KCNN2: variants seen among roughly 807,000 people sequenced by gnomAD.
KCNN2 encodes the protein small conductance calcium-activated potassium channel protein 2.
KCNN2 carries 24 observed loss-of-function variants against 55.5 expected under a neutral mutation model. The observed-to-expected ratio is 0.43, with a 90% CI of 0.31 to 0.61. KCNN2 has a LOEUF of 0.61. Ranked by LOEUF, KCNN2 falls within the 20% of genes least tolerant of loss-of-function variation. KCNN2 has a pLI of 0.08. For missense variants in KCNN2, 754 were observed against 853.6 expected, an observed-to-expected ratio of 0.88 and a Z score of 1.45; for synonymous variants, 431 against 336.1, an observed-to-expected ratio of 1.28 and a Z score of -3.09.
intron 2 of KCNN2, among the ~76,000 whole-genome samples, chr5:114,272,203 A>G (rs1014194875): frequency 1.3e-5 from 2 of 152,088 alleles, no homozygotes; most frequent in Non-Finnish European, 2.9e-5. Flanking sequence ...CTATAGCTGC[A>G]ACTACATATA....
chr5:114,109,169 G>A (rs914126530), intron 1 of KCNN2, among the ~76,000 whole-genome samples: 1 of 152,034 alleles, frequency 6.6e-6, no homozygotes, highest in Non-Finnish European at 1.5e-5. Flanking sequence ...CAGGATTCAG[G>A]TCCTCATGGA....
At chr5:114,250,348 C>G (rs1754834636) in intron 2 of KCNN2, among the ~76,000 whole-genome samples, 1 of 152,140 alleles carries the variant, frequency 6.6e-6, no homozygotes, top group Admixed American at 6.5e-5. Flanking sequence ...TAATGGGAAT[C>G]TGAGTGAGTT....
chr5:114,203,593 G>T (rs896055032), intron 1 of KCNN2, among the ~76,000 whole-genome samples: 1 of 152,148 alleles, frequency 6.6e-6, no homozygotes. Flanking sequence ...AGTTCTAGAA[G>T]TTCTGCTGCA....
chr5:114,152,785 C>T (rs566318681), intron 1 of KCNN2, among the ~76,000 whole-genome samples: 1 of 152,082 alleles, frequency 6.6e-6, no homozygotes, highest in Admixed American at 6.6e-5. Context: ...GAGAGGAAAA[C>T]ACGTGTCTGG....
At chr5:114,486,929 A>G in intron 5 of KCNN2, 121 bp from the exon 6 acceptor site, 1 of 1,282,586 alleles carries the variant, frequency 7.8e-7, no homozygotes, top group Non-Finnish European at 1.1e-6. Flanking sequence ...ATTTGGAGTC[A>G]TGGTTACTAA....
chr5:114,293,834 G>T (rs1174354974), intron 2 of KCNN2, among the ~76,000 whole-genome samples: 1 of 152,058 alleles, frequency 6.6e-6, no homozygotes, highest in Admixed American at 6.6e-5. Flanking sequence ...GACTCTTTTT[G>T]GTTGGTAAGC....
At chr5:114,257,096 C>T (rs898290936) in intron 2 of KCNN2, among the ~76,000 whole-genome samples, 13 of 151,736 alleles carry the variant, frequency 8.6e-5, no homozygotes, top group Admixed American at 3.9e-4. Flanking sequence ...ATATTCCCAG[C>T]ACCATTTATT....
At chr5:114,414,491 TG>T (rs1341384308) in intron 3 of KCNN2, among the ~76,000 whole-genome samples, 1 of 152,178 alleles carries the variant, frequency 6.6e-6, no homozygotes, top group Non-Finnish European at 1.5e-5. Context: ...GTCTAGTCTA[TG>T]GATGGTTCCT....
chr5:114,277,836 C>G (rs564934618), intron 2 of KCNN2, among the ~76,000 whole-genome samples: 1 of 152,326 alleles, frequency 6.6e-6, no homozygotes, highest in African/African-American at 2.4e-5. Flanking sequence ...AAGTCCAATT[C>G]TGTCAACATG....
intron 2 of KCNN2, among the ~76,000 whole-genome samples, chr5:114,241,781 TAC>T (rs1479780270): frequency 0.19 from 4,455 of 23,932 alleles, 1,288 homozygotes; most frequent in South Asian, 0.28. Context: ...TATACATATA[TAC>T]GTATATATAT....
intron 2 of KCNN2, among the ~76,000 whole-genome samples, chr5:114,303,850 ATAGAG>A (rs1373825886): frequency 6.6e-6 from 1 of 152,182 alleles, no homozygotes; most frequent in Non-Finnish European, 1.5e-5. Context: ...GGAAGTTATT[ATAGAG>A]TAGATTCAGA....
intron 2 of KCNN2, among the ~76,000 whole-genome samples, chr5:114,266,311 G>T (rs933411308): frequency 6.6e-6 from 1 of 152,120 alleles, no homozygotes; most frequent in Non-Finnish European, 1.5e-5. Flanking sequence ...AGTGTCTGTT[G>T]TAGAATGCTC....
At chr5:114,251,983 A>G (rs1754873735) in intron 2 of KCNN2, among the ~76,000 whole-genome samples, 1 of 150,940 alleles carries the variant, frequency 6.6e-6, no homozygotes, top group African/African-American at 2.4e-5. Flanking sequence ...GGTTCAAGCA[A>G]TTCTCCCACC....
intron 2 of KCNN2, among the ~76,000 whole-genome samples, chr5:114,330,386 C>T (rs1324016755): frequency 1.3e-5 from 2 of 152,174 alleles, no homozygotes; most frequent in Admixed American, 1.3e-4. Context: ...TTTTGAATCC[C>T]TAGCAATACG....
chr5:114,375,952 G>GTATATATGTATATATATATATA, intron 2 of KCNN2, among the ~76,000 whole-genome samples: 1 of 104,718 alleles, frequency 9.5e-6, no homozygotes, highest in Admixed American at 1.1e-4. Context: ...GACTCACAGT[G>GTATATATGTATATATATATATA]TATATATATA....
At chr5:114,385,654 C>G (rs59344266) in intron 2 of KCNN2, among the ~76,000 whole-genome samples, 6,501 of 152,100 alleles carry the variant, frequency 0.043, 486 homozygotes, top group African/African-American at 0.15. Context: ...ACCACTTTCA[C>G]CCAGGTGCCT....
In KCNN2 at chr5:114,363,369, T is replaced by C. The variant is rs956928029; in HGVS notation, c.1122+108T>C. On this transcript the variant is annotated intron_variant, in intron 1 of 7. Coordinates refer to ENST00000673685, the MANE Select transcript of KCNN2 (RefSeq NM_021614.4). ...CGGATCCCTAGCCTCTCCGGGACGA[T>C]CAAGGGAGCCCGCCAGGACAGCGGG... The C allele has an allele frequency of 4.5e-6, 6 of 1,341,862 alleles. No homozygotes were observed. In the African/African-American group the frequency reaches 5.9e-5, roughly 13 times the overall value. The allele number at this position is 1,341,862 out of a possible 1,614,324, so 83.1% of individuals were successfully genotyped here.
At chr5:114,156,021 A>T (rs1434326596) in intron 1 of KCNN2, among the ~76,000 whole-genome samples, 1 of 152,168 alleles carries the variant, frequency 6.6e-6, no homozygotes, top group Non-Finnish European at 1.5e-5. Context: ...TGGGTTTTAC[A>T]TTTAAGTCTT....
intron 2 of KCNN2, among the ~76,000 whole-genome samples, chr5:114,290,772 C>G (rs1755870760): frequency 6.6e-6 from 1 of 152,064 alleles, no homozygotes; most frequent in African/African-American, 2.4e-5. Flanking sequence ...CCCTAAGTTT[C>G]TTTAATGCTA....
Sources: allele counts gnomAD v4.1 joint callset (sites outside exome capture counted in the v4.1 genomes callset), GRCh38; gene constraint gnomAD v4.1.1; transcripts MANE v1.5; gene names NCBI Gene and HGNC (gene_info 2026-07-23, HGNC 2026-07-21).